The following SNPH variants were observed in gnomAD, a reference collection of about 807,000 sequenced individuals.
SNPH encodes the protein syntaphilin.
In SNPH, 10 loss-of-function variants were observed where a neutral mutation model predicts 36.8. The observed-to-expected ratio is 0.27, with a 90% CI of 0.17 to 0.46. The LOEUF is 0.46. Ranked by LOEUF, SNPH falls within the 20% of genes least tolerant of loss-of-function variation. The probability of loss-of-function intolerance (pLI) is 1.00; values close to 1 mark genes in which losing one functional copy is unlikely to be tolerated. For missense variants in SNPH, 622 were observed against 744.0 expected (o/e 0.84, Z 1.91); for synonymous variants, 281 against 312.2 (o/e 0.90, Z 1.05).
At position 1,289,475 on chromosome 20, in the gene SNPH, A is replaced by G. The variant is rs80183656; in HGVS notation, c.-492-5476A>G. ...AAGAGTCTCTACCCCTTTCTGGACC[A>G]TGCCTGTCTTTTTATTAATGCAACG... On this transcript the variant is annotated intron_variant, in intron 2 of 6. Transcript: ENST00000381867. 7.5e-3 allele frequency among the ~76,000 whole-genome samples: 1,125 copies of G among 150,628 alleles called. 17 individuals are homozygous for G. The highest frequency in any genetic ancestry group is 0.026 in the African/African-American group (1,062 of 40,894).
At chr20:1,275,393 T>G (rs2088120077) in intron 2 of SNPH, among the ~76,000 whole-genome samples, 1 of 152,182 alleles carries the variant, frequency 6.6e-6, no homozygotes, top group South Asian at 2.1e-4. Flanking sequence ...TTTCTGACCC[T>G]CTAAGTCCCG....
At position 1,304,129 on chromosome 20, in the gene SNPH, C is replaced by T. The variant is rs567325458; in HGVS notation, c.441-749C>T. Among the ~76,000 whole-genome samples the T allele has an allele frequency of 1.3e-5, 2 of 152,272 alleles. No homozygotes were observed. The highest frequency in any genetic ancestry group is 2.1e-4 in the South Asian group (1 of 4,824). ...TTGTTCACCTGGTGCTTGCCCCCGT[C>T]GCTCAGGAGTAACTCTATGCCTTTC... On this transcript the variant is annotated intron_variant, in intron 6 of 6. Transcript: ENST00000381867. This position sits in a 1 kb window ranked among gnomAD's most constrained non-coding sequence, Gnocchi z 4.3.
At chr20:1,289,624 G>T (rs1014924833) in intron 2 of SNPH, among the ~76,000 whole-genome samples, 8 of 151,338 alleles carry the variant, frequency 5.3e-5, no homozygotes, top group Non-Finnish European at 1.0e-4. Context: ...GCTGGTGGAT[G>T]GCTTGAGGCC....
rs776618858 is a variant in SNPH at position 1,305,812 on chromosome 20, A to G, written c.1375A>G (p.Lys459Glu). The G allele has an allele frequency of 1.1e-5, 17 of 1,586,378 alleles. No homozygotes were observed. The highest frequency in any genetic ancestry group is 2.3e-5 in the South Asian group (2 of 87,796). Reference protein sequence around the residue: ...EEEEEAAVAEKEPKSYWSRHY... With the variant: ...EEEEEAAVAEEEPKSYWSRHY... ...GGAGGAGGAGGCTGCCGTGGCTGAG[A>G]AGGAGCCCAAGAGCTACTGGAGCCG... Residue 459 changes from lysine (K) to glutamate (E), a missense_variant, in exon 7 of 7, where the codon AAG becomes GAG. Around this residue, in one of 3 missense-constraint regions of SNPH, gnomAD observed 379 missense variants for 427.9 expected, o/e 0.89. Coordinates refer to ENST00000381867, the MANE Select transcript of SNPH (RefSeq NM_001318234.2).
At position 1,294,515 on chromosome 20, in the gene SNPH, A is replaced by G. The variant is rs1434188256; in HGVS notation, c.-492-436A>G. Among the ~76,000 whole-genome samples, 1 of 152,224 alleles carries G rather than the reference A, an allele frequency of 6.6e-6. No individual in the cohort carries two copies. Among genetic ancestry groups the G allele is most frequent in the Non-Finnish European group, 1.5e-5 (1 of 68,028 alleles). ...GAGGCCCTGCCTGGGTGACTGGGGC[A>G]TAATGAGTGGGAAGCATTGCCAAGC... On this transcript the variant is annotated intron_variant, in intron 2 of 6. Transcript: ENST00000381867. The surrounding 1 kb of genome is among the most constrained non-coding windows in gnomAD (Gnocchi z 4.4).
At chr20:1,271,833 T>A (rs952893179) in intron 2 of SNPH, among the ~76,000 whole-genome samples, 3 of 152,154 alleles carry the variant, frequency 2.0e-5, no homozygotes, top group African/African-American at 7.2e-5. Context: ...TGTTTTTTTG[T>A]TTTAACCAAG....
chr20:1,296,387 C>A lies in SNPH; in HGVS notation c.148C>A (p.Pro50Thr). 6.2e-7 allele frequency: 1 copy of A among 1,605,308 alleles called. No individual in the cohort carries two copies. The highest frequency in any genetic ancestry group is 1.7e-4 in the Middle Eastern group (1 of 6,026). Reference sequence around the variant, plus strand: ...CCACAGCCTCATGGCCATGTCCCTGCCAGGAAGTAGACGGACCTCTGCTGG... The same window carrying A: ...CCACAGCCTCATGGCCATGTCCCTGACAGGAAGTAGACGGACCTCTGCTGG... Reference protein sequence around the residue: ...RTHSLMAMSLPGSRRTSAGSR... With the variant: ...RTHSLMAMSLTGSRRTSAGSR... Residue 50 changes from proline (P) to threonine (T), a missense_variant, in exon 4 of 7, where the codon CCA (proline) becomes ACA (threonine). By Grantham distance (38) the Pro-to-Thr change is conservative. Around this residue, in one of 3 missense-constraint regions of SNPH, gnomAD observed 187 missense variants for 209.4 expected, o/e 0.89. Coordinates refer to ENST00000381867, the MANE Select transcript of SNPH (RefSeq NM_001318234.2).
In SNPH at chr20:1,285,047, G is replaced by A. The variant is rs143158867; in HGVS notation, c.-492-9904G>A. Among the ~76,000 whole-genome samples the A allele has an allele frequency of 3.3e-3, 504 of 152,268 alleles. 3 individuals carry two copies. Among genetic ancestry groups the A allele is most frequent in the Non-Finnish European group, 5.5e-3 (371 of 68,026 alleles). ...AGGTGTCAGATTCTGTGACTGTGTC[G>A]CCTCAGTTTCCTTATCTGTAAAATG... On this transcript the variant is annotated intron_variant, in intron 2 of 6. Coordinates refer to ENST00000381867, the MANE Select transcript of SNPH (RefSeq NM_001318234.2). This position sits in a 1 kb window ranked among gnomAD's most constrained non-coding sequence, Gnocchi z 4.9.
At position 1,308,881 on chromosome 20, in the gene SNPH, A is replaced by G. The variant is rs2088617716; in HGVS notation, c.*2827A>G. 2 of 152,234 alleles carry G rather than the reference A, an allele frequency of 1.3e-5. No individual in the cohort carries two copies. The highest frequency in any genetic ancestry group is 2.1e-4 in the South Asian group (1 of 4,834). The allele number at this position is 152,234 out of a possible 1,614,324, so 9.4% of individuals were successfully genotyped here. On this transcript the variant is annotated 3_prime_UTR_variant, in exon 7 of 7. Transcript: ENST00000381867. ...CTAGGGCTCGGGCCAGAGTGGCACT[A>G]CTGCCCGGCCAGTCCAGGCTCAGGC...
intron 5 of SNPH, 115 bp downstream of exon 5, chr20:1,297,367 C>A (rs1600260958): frequency 4.5e-6 from 4 of 882,178 alleles, no homozygotes; most frequent in South Asian, 1.7e-5. Context: ...CCAGCATAGC[C>A]GCTGGCCGTG....
In SNPH at chr20:1,305,592, C is replaced by T; in HGVS notation, c.1155C>T (p.Asp385=). 6.2e-7 allele frequency: 1 copy of T among 1,613,594 alleles called. No homozygotes were observed. The highest frequency in any genetic ancestry group is 8.5e-7 in the Non-Finnish European group (1 of 1,180,038). ...CCCAGGCCCAGGTCTGTGGGACAGA[C>T]CCTGAGTCAGGGGACAGGTGCCCAG... The part of the protein sequence containing the change: ...KVTQAQVCGT[D]PESGDRCPEL... Residue 385 remains aspartate (D), a synonymous_variant, in exon 7 of 7, where the codon GAC becomes GAT. Coordinates refer to ENST00000381867, the MANE Select transcript of SNPH (RefSeq NM_001318234.2).
chr20:1,280,963 C>T (rs968700412), intron 2 of SNPH, among the ~76,000 whole-genome samples: 3 of 152,148 alleles, frequency 2.0e-5, no homozygotes, highest in African/African-American at 7.2e-5. Flanking sequence ...CTGCTGTTCA[C>T]AACTCACAGG....
intron 2 of SNPH, among the ~76,000 whole-genome samples, chr20:1,293,001 T>G (rs1350002768): frequency 2.0e-5 from 3 of 152,224 alleles, no homozygotes; most frequent in African/African-American, 7.2e-5. Flanking sequence ...GTTTATTGTG[T>G]GATAGGCACT....
At chr20:1,291,574 C>T (rs1304268804) in intron 2 of SNPH, among the ~76,000 whole-genome samples, 1 of 152,154 alleles carries the variant, frequency 6.6e-6, no homozygotes, top group Non-Finnish European at 1.5e-5. Context: ...GAGCACCAGG[C>T]ACTCTGCTGT....
chr20:1,296,998 C>G, intron 4 of SNPH, 147 bp from the exon 5 acceptor site: 1 of 1,378,516 alleles, frequency 7.3e-7, no homozygotes, highest in East Asian at 2.6e-5. Context: ...TCACCCCTGT[C>G]TGTGCGTCTC....
chr20:1,296,522 A>G, intron 4 of SNPH, 101 bp downstream of exon 4: 1 of 986,904 alleles, frequency 1.0e-6, no homozygotes, highest in South Asian at 1.6e-5. Context: ...TGTTTGAGCA[A>G]ATCATTTCCC....
chr20:1,295,564 T>C (rs889440035), intron 3 of SNPH, among the ~76,000 whole-genome samples: 2 of 152,164 alleles, frequency 1.3e-5, no homozygotes, highest in African/African-American at 4.8e-5. Context: ...GCGCATTACA[T>C]GGGTGGGTGC....
intron 6 of SNPH, among the ~76,000 whole-genome samples, chr20:1,301,520 T>A (rs986459887): frequency 1.3e-5 from 2 of 151,740 alleles, no homozygotes; most frequent in Admixed American, 6.6e-5. Flanking sequence ...TTTTTTTTAA[T>A]ACAGCAGCTT....
At chr20:1,275,403 G>C (rs1568538658) in intron 2 of SNPH, among the ~76,000 whole-genome samples, 1 of 152,170 alleles carries the variant, frequency 6.6e-6, no homozygotes, top group African/African-American at 2.4e-5. Flanking sequence ...TCTAAGTCCC[G>C]ACTCTTGTCC....
Sources: gnomAD v4.1 joint callset for allele counts (sites outside exome capture counted in the v4.1 genomes callset) on GRCh38, gnomAD v4.1.1 for gene constraint, gnomAD v4.1.1 regional missense constraint, Gnocchi (gnomAD v3.1) non-coding constraint, MANE v1.5 for transcripts, NCBI Gene and HGNC (gene_info 2026-07-23, HGNC 2026-07-21) for gene names.